The following DHTKD1 variants were observed in gnomAD, a reference collection of about 807,000 sequenced individuals.
DHTKD1 encodes the protein 2-oxoadipate dehydrogenase complex component E1.
A neutral mutation model predicts 101.8 loss-of-function variants in DHTKD1; 78 were observed. The ratio of observed to expected loss-of-function variants is 0.77; its 90% CI spans 0.64 to 0.93. The LOEUF (loss-of-function observed/expected upper bound fraction) is 0.93, where lower values mean the gene tolerates loss of function less well. DHTKD1 is among the 40% of genes least tolerant of loss of function. The pLI, the probability that DHTKD1 is intolerant of heterozygous loss-of-function variation, is 0.00. For missense variants in DHTKD1, 1,223 were observed against 1,161.7 expected (o/e 1.05, Z -0.77); for synonymous variants, 462 against 450.3 (o/e 1.03, Z -0.33).
At chr10:12,115,506 T>C (rs538091726) in intron 13 of DHTKD1, among the ~76,000 whole-genome samples, 1 of 152,286 alleles carries the variant, frequency 6.6e-6, no homozygotes, top group South Asian at 2.1e-4. Flanking sequence ...CTTTTTGCAC[T>C]AGGTACCTTA....
At position 12,120,879 on chromosome 10, in the gene DHTKD1, C is replaced by G. The variant is rs996193918; in HGVS notation, c.2751C>G (p.Thr917=). 2 of 1,613,702 alleles carry G rather than the reference C, an allele frequency of 1.2e-6. No homozygotes were observed. Among genetic ancestry groups the G allele is most frequent in the Non-Finnish European group, 1.7e-6 (2 of 1,179,734 alleles). Residue 917 remains threonine (T), a synonymous_variant, in exon 17 of 17, where the codon ACC becomes ACG. Coordinates refer to ENST00000263035, the MANE Select transcript of DHTKD1 (RefSeq NM_018706.7). ...LHQHEDILAK[T]FA is the part of the protein sequence containing the mutation. ...AGCATGAAGATATCCTCGCCAAGAC[C>G]TTCGCTTGATGATGACTTTTGAAGA...
intron 15 of DHTKD1, among the ~76,000 whole-genome samples, chr10:12,119,792 C>T (rs1018369560): frequency 6.6e-6 from 1 of 151,982 alleles, no homozygotes. Context: ...GCATAACAAA[C>T]CTGCACATCC....
At chr10:12,100,659 T>C (rs1588613634) in intron 9 of DHTKD1, among the ~76,000 whole-genome samples, 1 of 152,138 alleles carries the variant, frequency 6.6e-6, no homozygotes, top group African/African-American at 2.4e-5. Context: ...CTACCTCCCA[T>C]TGTGTTCATT....
intron 13 of DHTKD1, among the ~76,000 whole-genome samples, chr10:12,114,299 ATT>A (rs1223823337): frequency 6.9e-6 from 1 of 144,784 alleles, no homozygotes. Context: ...TTAGTATTAA[ATT>A]TTTTTTTTTT....
intron 13 of DHTKD1, among the ~76,000 whole-genome samples, chr10:12,117,155 A>G (rs1833431456): frequency 6.6e-6 from 1 of 151,846 alleles, no homozygotes; most frequent in African/African-American, 2.4e-5. Context: ...GACACCCGCC[A>G]TCATGCCCAG....
intron 1 of DHTKD1, among the ~76,000 whole-genome samples, chr10:12,073,674 T>G (rs958667686): frequency 3.3e-5 from 5 of 152,152 alleles, no homozygotes; most frequent in African/African-American, 1.2e-4. Flanking sequence ...TTTCAAAATC[T>G]GGAAAAGCTC....
chr10:12,113,098 T>C (rs1484515085), intron 13 of DHTKD1, 34 bp downstream of exon 13: 13 of 1,523,074 alleles, frequency 8.5e-6, no homozygotes, highest in Middle Eastern at 1.7e-4. Context: ...CCTTCCTCCT[T>C]TTGTCATTTT....
intron 3 of DHTKD1, among the ~76,000 whole-genome samples, chr10:12,086,440 C>G (rs148544675): frequency 2.0e-5 from 3 of 151,410 alleles, no homozygotes; most frequent in East Asian, 2.0e-4. Flanking sequence ...AGGATGGTCT[C>G]GATCTCCTGA....
At chr10:12,098,209 T>C (rs1442585398) in intron 8 of DHTKD1, among the ~76,000 whole-genome samples, 3 of 152,210 alleles carry the variant, frequency 2.0e-5, no homozygotes, top group Non-Finnish European at 4.4e-5. Flanking sequence ...TATTTATTTA[T>C]TTATGCATGT....
chr10:12,069,231 A>C (rs1320106505), intron 1 of DHTKD1, 44 bp downstream of exon 1: 1 of 1,424,198 alleles, frequency 7.0e-7, no homozygotes, highest in Admixed American at 2.3e-5. Flanking sequence ...GCTGGGACGC[A>C]GAAGCCTCCC....
In DHTKD1 at chr10:12,081,388, T is replaced by C. The variant is rs150997845; in HGVS notation, c.155-84T>C. The C allele has an allele frequency of 3.5e-3, 4,107 of 1,180,114 alleles. 117 individuals are homozygous for C. In the African/African-American group the frequency reaches 0.054, roughly 16 times the overall value. 73.1% of individuals were successfully genotyped at this position (1,180,114 alleles called of 1,614,324 possible). ...ATAAAAAGTAAGGTGTCTAGGGCTG[T>C]AAGAGCTTCTTTGAAAATCTGATTT... On this transcript the variant is annotated intron_variant, in intron 1 of 16. Transcript: ENST00000263035.
rs1163671883 is a variant in DHTKD1, at chr10:12,120,940, C to T, written c.*52C>T. 1.3e-6 allele frequency: 2 copies of T among 1,538,422 alleles called. No individual in the cohort carries two copies. The highest frequency in any genetic ancestry group is 3.5e-5 in the Admixed American group (2 of 57,798). The stretch of plus-strand genomic sequence containing the variant: ...CTCTTTAAGAAAATGGCCATTAAGG[C>T]CGGGTGGGGTGGCACATGCCTGTAA... On this transcript the variant is annotated 3_prime_UTR_variant, in exon 17 of 17. Coordinates refer to ENST00000263035, the MANE Select transcript of DHTKD1 (RefSeq NM_018706.7).
At position 12,087,127 on chromosome 10, in the gene DHTKD1, G is replaced by A. The variant is rs1186562994; in HGVS notation, c.523-408G>A. 1.3e-5 allele frequency among the ~76,000 whole-genome samples: 2 copies of A among 152,206 alleles called. No homozygotes were observed. Among genetic ancestry groups the A allele is most frequent in the Non-Finnish European group, 2.9e-5 (2 of 68,036 alleles). ...GGGGCTGTGACCAGGACTCTGGAAT[G>A]TCAAGATGGCAAGAAGCCCCTTCCT... On this transcript the variant is annotated intron_variant, in intron 3 of 16. Coordinates refer to ENST00000263035, the MANE Select transcript of DHTKD1 (RefSeq NM_018706.7). The surrounding 1 kb of genome is among the most constrained non-coding windows in gnomAD (Gnocchi z 5.2).
In DHTKD1 at chr10:12,107,933, G is replaced by C; in HGVS notation, c.2072G>C (p.Ser691Thr). 1.2e-6 allele frequency: 2 copies of C among 1,613,868 alleles called. No individual in the cohort carries two copies. The highest frequency in any genetic ancestry group is 1.1e-5 in the South Asian group (1 of 91,068). ...GGAGAGGCCAAGTGGCTCCTACAAA[G>C]CGGCATCGTCATCCTCCTTCCACAT... ...SGGEAKWLLQ[S>T]GIVILLPHGY... The change falls in exon 12 of 17, where the codon AGC becomes ACC. Residue 691 changes from serine (S) to threonine (T), a missense_variant. Transcript: ENST00000263035. This position sits in a 1 kb window ranked among gnomAD's most constrained non-coding sequence, Gnocchi z 4.1.
intron 14 of DHTKD1, among the ~76,000 whole-genome samples, chr10:12,118,111 A>C (rs535362902): frequency 2.0e-5 from 3 of 151,880 alleles, no homozygotes; most frequent in Non-Finnish European, 2.9e-5. Flanking sequence ...GCTGGTCTCG[A>C]ACTCCTGACC....
chr10:12,111,099 T>C (rs768769513), intron 12 of DHTKD1, among the ~76,000 whole-genome samples: 1 of 150,906 alleles, frequency 6.6e-6, no homozygotes, highest in African/African-American at 2.4e-5. Flanking sequence ...TTGAGGAGTA[T>C]TGCTGTAAAT....
chr10:12,076,592 G>A (rs553514321), intron 1 of DHTKD1, among the ~76,000 whole-genome samples: 1 of 152,286 alleles, frequency 6.6e-6, no homozygotes, highest in East Asian at 1.9e-4. Flanking sequence ...CAGCTACTTG[G>A]GAGGCTGAGG....
In DHTKD1 at chr10:12,120,992, G is replaced by T. The variant is rs1833518562; in HGVS notation, c.*104G>T. ...CCCAGCACTTTGGGAGGCCAAGGCT[G>T]GTGGATCACCTGAGGTCAGGAGTTC... On this transcript the variant is annotated 3_prime_UTR_variant, in exon 17 of 17. Transcript: ENST00000263035. 1 of 1,001,270 alleles carries T rather than the reference G, an allele frequency of 1.0e-6. No homozygotes were observed. Among genetic ancestry groups the T allele is most frequent in the East Asian group, 2.9e-5 (1 of 34,178 alleles). The allele number at this position is 1,001,270 out of a possible 1,614,324, so 62.0% of individuals were successfully genotyped here. A position where few individuals can be genotyped will look rare whatever the true frequency, so the allele number is the denominator to read the frequency against.
chr10:12,088,632 G>A (rs1401246225), intron 4 of DHTKD1, among the ~76,000 whole-genome samples: 1 of 152,104 alleles, frequency 6.6e-6, no homozygotes, highest in African/African-American at 2.4e-5. Flanking sequence ...CACCCAGGCT[G>A]GAGTGCAGTG....
Sources: gnomAD v4.1 joint callset for allele counts (sites outside exome capture counted in the v4.1 genomes callset) on GRCh38, gnomAD v4.1.1 for gene constraint, Gnocchi (gnomAD v3.1) non-coding constraint, MANE v1.5 for transcripts, NCBI Gene and HGNC (gene_info 2026-07-23, HGNC 2026-07-21) for gene names.